The following NALCN variants were observed in gnomAD, a reference collection of about 807,000 sequenced individuals.
The protein encoded by NALCN is sodium leak channel, non-selective.
In NALCN, 111 loss-of-function variants were observed where a neutral mutation model predicts 225.3. The ratio of observed to expected loss-of-function variants is 0.49; its 90% CI spans 0.42 to 0.58. The LOEUF is 0.58. Ranked by LOEUF, NALCN falls within the 20% of genes least tolerant of loss-of-function variation. The probability of loss-of-function intolerance (pLI) is 0.00; values close to 1 mark genes in which losing one functional copy is unlikely to be tolerated. For synonymous variants in NALCN, 764 were observed against 769.0 expected (o/e 0.99, Z 0.11); for missense variants, 1,378 against 2,202.4 (o/e 0.63, Z 7.49).
chr13:101,288,690 C>T (rs1253959420), intron 9 of NALCN, among the ~76,000 whole-genome samples: 2 of 152,152 alleles, frequency 1.3e-5, no homozygotes, highest in Non-Finnish European at 2.9e-5. Flanking sequence ...TGTCTTTGTG[C>T]AATCAGAATA....
chr13:101,399,179 A>C lies in NALCN; in HGVS notation c.-39-14T>G. On this transcript the variant is annotated splice_polypyrimidine_tract_variant and intron_variant, in intron 1 of 43. Coordinates refer to ENST00000251127, the MANE Select transcript of NALCN (RefSeq NM_052867.4). ...CAAAACCACAGTCTGGGAAAAGGAA[A>C]AGTTGTATTTGTCATCTAAACCATC... The C allele has an allele frequency of 6.2e-7, 1 of 1,604,216 alleles. No individual in the cohort carries two copies. The highest frequency in any genetic ancestry group is 2.2e-5 in the East Asian group (1 of 44,626).
At chr13:101,224,371 G>A (rs1016773805) in intron 13 of NALCN, among the ~76,000 whole-genome samples, 2 of 152,050 alleles carry the variant, frequency 1.3e-5, no homozygotes, top group Non-Finnish European at 2.9e-5. Flanking sequence ...TGGCTTCAAG[G>A]AACTTTCCAG....
Position 101,067,864 on chromosome 13 carries a change from C to T in NALCN, c.4446+54G>A, listed in dbSNP as rs1330283824. On this transcript the variant is annotated intron_variant, in intron 39 of 43. Coordinates refer to ENST00000251127, the MANE Select transcript of NALCN (RefSeq NM_052867.4). ...CTGAAAACCATTTAAGTGTTTGAGA[C>T]ATGTTGATAAGTCTCTTTGAGGTGA... 12 of 1,204,280 alleles carry T rather than the reference C, an allele frequency of 1.0e-5. No homozygotes were observed. The Admixed American group carries it at 1.1e-4, about 11-fold the overall frequency. 74.6% of individuals were successfully genotyped at this position (1,204,280 alleles called of 1,614,324 possible).
At chr13:101,330,142 CT>C (rs2045111149) in intron 7 of NALCN, among the ~76,000 whole-genome samples, 2 of 151,596 alleles carry the variant, frequency 1.3e-5, no homozygotes, top group African/African-American at 4.8e-5. Context: ...ATTTAGACAC[CT>C]TTTTCCCTTA....
chr13:101,362,263 G>A (rs1286839407), intron 6 of NALCN, among the ~76,000 whole-genome samples: 1 of 151,970 alleles, frequency 6.6e-6, no homozygotes, highest in African/African-American at 2.4e-5. Context: ...TATACATATG[G>A]ATGTGGATCT....
chr13:101,402,589 T>A (rs1435773610), intron 1 of NALCN, among the ~76,000 whole-genome samples: 2 of 152,220 alleles, frequency 1.3e-5, no homozygotes, highest in Admixed American at 1.3e-4. Flanking sequence ...GTCTTTTGAA[T>A]CTTCTCCTGT....
chr13:101,077,836 A>T (rs1460798525), intron 34 of NALCN, among the ~76,000 whole-genome samples: 1 of 152,198 alleles, frequency 6.6e-6, no homozygotes, highest in African/African-American at 2.4e-5. Context: ...AGAGACCTTC[A>T]CAGCAGCCCC....
At chr13:101,263,177 G>A (rs1213909212) in intron 10 of NALCN, among the ~76,000 whole-genome samples, 1 of 152,142 alleles carries the variant, frequency 6.6e-6, no homozygotes, top group African/African-American at 2.4e-5. Context: ...TGTCACCGTG[G>A]CTATTGATGC....
intron 15 of NALCN, 89 bp from the exon 16 acceptor site, chr13:101,144,985 T>A: frequency 7.2e-7 from 1 of 1,389,118 alleles, no homozygotes; most frequent in South Asian, 1.7e-5. Context: ...ATGGAAGCAA[T>A]AAGTAATTAC....
At chr13:101,247,699 T>G (rs2041939805) in intron 11 of NALCN, among the ~76,000 whole-genome samples, 1 of 152,118 alleles carries the variant, frequency 6.6e-6, no homozygotes, top group African/African-American at 2.4e-5. Flanking sequence ...ATATGCAGGT[T>G]TGTTACATAA....
chr13:101,337,151 T>C (rs998246493), intron 7 of NALCN, among the ~76,000 whole-genome samples: 2 of 152,130 alleles, frequency 1.3e-5, no homozygotes, highest in African/African-American at 2.4e-5. Context: ...AACTAACATA[T>C]ATTATGCACC....
At chr13:101,283,398 G>T (rs2043233209) in intron 10 of NALCN, among the ~76,000 whole-genome samples, 2 of 152,104 alleles carry the variant, frequency 1.3e-5, no homozygotes, top group African/African-American at 4.8e-5. Flanking sequence ...CACAGGCAGG[G>T]ACGTGAGACT....
intron 11 of NALCN, among the ~76,000 whole-genome samples, chr13:101,249,161 T>C (rs142064729): frequency 6.6e-6 from 1 of 152,154 alleles, no homozygotes; most frequent in Non-Finnish European, 1.5e-5. Context: ...TCAGTTTCAA[T>C]AGAGATTATA....
intron 7 of NALCN, among the ~76,000 whole-genome samples, chr13:101,332,688 C>G (rs147339998): frequency 6.2e-4 from 95 of 152,232 alleles, no homozygotes; most frequent in African/African-American, 2.2e-3. Context: ...AAAATAAAAA[C>G]GTAATTCTCT....
intron 7 of NALCN, among the ~76,000 whole-genome samples, chr13:101,327,844 G>T (rs761249856): frequency 2.6e-5 from 4 of 152,188 alleles, no homozygotes; most frequent in Admixed American, 1.3e-4. Context: ...GGGCTGAGTG[G>T]TTTTTCCTAC....
At chr13:101,270,803 T>C (rs1368555046) in intron 10 of NALCN, among the ~76,000 whole-genome samples, 5 of 152,214 alleles carry the variant, frequency 3.3e-5, no homozygotes, top group Non-Finnish European at 7.3e-5. Flanking sequence ...TTTCAAACCC[T>C]GGGTTTAAGT....
intron 7 of NALCN, among the ~76,000 whole-genome samples, chr13:101,313,861 T>A (rs1421198476): frequency 6.6e-6 from 1 of 152,090 alleles, no homozygotes; most frequent in African/African-American, 2.4e-5. Context: ...CACATGCACA[T>A]GTATGTTTAT....
chr13:101,291,004 CA>C (rs2043532531), intron 9 of NALCN, among the ~76,000 whole-genome samples: 2 of 151,850 alleles, frequency 1.3e-5, no homozygotes, highest in Admixed American at 6.6e-5. Context: ...GAAACAAAAC[CA>C]AAAATAAAAA....
intron 25 of NALCN, among the ~76,000 whole-genome samples, 159 bp from the exon 26 acceptor site, chr13:101,103,498 T>C (rs1455152156): frequency 6.6e-6 from 1 of 152,126 alleles, no homozygotes; most frequent in African/African-American, 2.4e-5. Flanking sequence ...TCATCTAGAC[T>C]TGCTAGGTAC....
Sources: gnomAD v4.1 joint callset for allele counts (sites outside exome capture counted in the v4.1 genomes callset) on GRCh38, gnomAD v4.1.1 for gene constraint, MANE v1.5 for transcripts, NCBI Gene and HGNC (gene_info 2026-07-23, HGNC 2026-07-21) for gene names.